GRIP2: variants seen among roughly 807,000 people sequenced by gnomAD.
The protein encoded by GRIP2 is glutamate receptor-interacting protein 2.
GRIP2 carries 58 observed loss-of-function variants against 108.3 expected under a neutral mutation model. The observed-to-expected ratio is 0.54, with a 90% CI of 0.43 to 0.67. The LOEUF (loss-of-function observed/expected upper bound fraction) is 0.67. Ranked by LOEUF, GRIP2 falls within the 30% of genes least tolerant of loss-of-function variation. The pLI, the probability that GRIP2 is intolerant of heterozygous loss-of-function variation, is 0.00. For missense variants in GRIP2, 1,278 were observed against 1,430.6 expected (o/e 0.89, Z 1.72); for synonymous variants, 586 against 598.2 (o/e 0.98, Z 0.30).
Position 14,525,395 on chromosome 3 carries a change from T to C in GRIP2, c.257+42A>G, listed in dbSNP as rs747397872. Reference sequence around the variant, plus strand: ...CTGGCCCTGGGCTCCCATCATTGCCTCTGCACCCCCCTCCTGCGGCCGTGC... The same window carrying C: ...CTGGCCCTGGGCTCCCATCATTGCCCCTGCACCCCCCTCCTGCGGCCGTGC... On this transcript the variant is annotated intron_variant, in intron 3 of 23. Transcript: ENST00000621039. 8.1e-6 allele frequency: 13 copies of C among 1,603,144 alleles called. No individual in the cohort carries two copies. The Admixed American group carries it at 2.0e-4, about 25-fold the overall frequency.
rs534029443 is a variant in GRIP2 at position 14,535,750 on chromosome 3, C to A, written c.40+4519G>T. On this transcript the variant is annotated intron_variant, in intron 1 of 23. Transcript: ENST00000621039. ...GGCAGAGCCAGGATTGAAGCCCAGG[C>A]CTTCTGGCTCCCTAAGGGGTCTGGC... Among the ~76,000 whole-genome samples, 57 of 152,356 alleles carry A rather than the reference C, an allele frequency of 3.7e-4. No individual in the cohort carries two copies. In the South Asian group the frequency reaches 0.012, roughly 31 times the overall value.
Position 14,533,582 on chromosome 3 carries a change from G to T in GRIP2, c.40+6687C>A, listed in dbSNP as rs533172007. On this transcript the variant is annotated intron_variant, in intron 1 of 23. Transcript: ENST00000621039. ...GGAACAACGGCACCCCCAAGAGCTG[G>T]ATGCTGAAGCACAGGGTGCCCGATG... Among the ~76,000 whole-genome samples the T allele has an allele frequency of 4.6e-5, 7 of 152,290 alleles. No individual in the cohort carries two copies. In the East Asian group the frequency reaches 1.4e-3, roughly 29 times the overall value.
Position 14,507,395 on chromosome 3 carries a change from G to T in GRIP2, c.2218+166C>A, listed in dbSNP as rs1693960439. On this transcript the variant is annotated intron_variant, in intron 18 of 23. Transcript: ENST00000621039. This position sits in a 1 kb window ranked among gnomAD's most constrained non-coding sequence, Gnocchi z 4.6. ...TGCCCCGTGCCCACTGTGTGGCCCTGGGCTCATCACTTCCCTCTCTGAGTC... is the reference window on the plus strand; with the variant it reads ...TGCCCCGTGCCCACTGTGTGGCCCTTGGCTCATCACTTCCCTCTCTGAGTC... Among the ~76,000 whole-genome samples, 1 of 152,252 alleles carries T rather than the reference G, an allele frequency of 6.6e-6. No individual in the cohort carries two copies. The highest frequency in any genetic ancestry group is 1.5e-5 in the Non-Finnish European group (1 of 68,042).
At chr3:14,601,440 C>G in the GRIP2 span, among the ~76,000 whole-genome samples, 2 of 152,146 alleles carry the variant, frequency 1.3e-5, no homozygotes, top group Non-Finnish European at 2.9e-5. Flanking sequence ...TATTGGCAGC[C>G]CTTCTCCCCT....
chr3:14,517,492 C>T (rs1559341224), intron 10 of GRIP2, among the ~76,000 whole-genome samples: 1 of 108,536 alleles, frequency 9.2e-6, no homozygotes, highest in Non-Finnish European at 1.7e-5. Flanking sequence ...TAATCTCTCT[C>T]TCTTTTTTTT....
the GRIP2 span, chr3:14,573,137 G>C: frequency 7.0e-7 from 1 of 1,432,572 alleles, no homozygotes; most frequent in East Asian, 2.3e-5. Flanking sequence ...GCAGCCCAAA[G>C]GTGCAGAGGA....
In GRIP2 at chr3:14,511,235, G is replaced by C; in HGVS notation, c.1863C>G (p.Asp621Glu). 1 of 1,613,992 alleles carries C rather than the reference G, an allele frequency of 6.2e-7. No homozygotes were observed. The highest frequency in any genetic ancestry group is 8.5e-7 in the Non-Finnish European group (1 of 1,179,886). ...NIRLDNCPME[D>E]AVQILRQCED... ...CGCACTGCCGCAGGATTTGCACGGC[G>C]TCCTCCATGGGGCAGTTGTCCAGGC... Residue 621 changes from aspartate to glutamate, a missense_variant, in exon 16 of 24, where the codon GAC (aspartate) becomes GAG (glutamate). Transcript: ENST00000621039. The surrounding 1 kb of genome is among the most constrained non-coding windows in gnomAD (Gnocchi z 4.1).
chr3:14,602,455 G>T, the GRIP2 span, among the ~76,000 whole-genome samples: 2 of 152,028 alleles, frequency 1.3e-5, no homozygotes, highest in Non-Finnish European at 2.9e-5. This position sits in a 1 kb window ranked among gnomAD's most constrained non-coding sequence, Gnocchi z 4.7. Context: ...GCGACGGACC[G>T]CAGCCTCGGG....
chr3:14,576,434 C>T, the GRIP2 span, among the ~76,000 whole-genome samples: 516 of 152,300 alleles, frequency 3.4e-3, 1 homozygote, highest in African/African-American at 0.011. Context: ...TACACGGCCT[C>T]GCATTTGGCT....
At chr3:14,531,856 G>C (rs1281990462) in intron 1 of GRIP2, among the ~76,000 whole-genome samples, 2 of 152,198 alleles carry the variant, frequency 1.3e-5, no homozygotes, top group Non-Finnish European at 2.9e-5. Flanking sequence ...ACACGGGCAA[G>C]AACAGGTGCC....
chr3:14,598,353 C>T, the GRIP2 span, among the ~76,000 whole-genome samples: 1 of 151,724 alleles, frequency 6.6e-6, no homozygotes, highest in Non-Finnish European at 1.5e-5. Flanking sequence ...GGGGGACACA[C>T]ACACACACAC....
chr3:14,526,574 T>C (rs1694559745), intron 1 of GRIP2, among the ~76,000 whole-genome samples: 1 of 152,204 alleles, frequency 6.6e-6, no homozygotes, highest in Non-Finnish European at 1.5e-5. Context: ...GAGAAAGCGC[T>C]CCCTTGTGTT....
At chr3:14,556,027 G>A (rs1168129521) in exon 1 of GRIP2, 3 of 398,658 alleles carry the variant, frequency 7.5e-6, no homozygotes, top group Non-Finnish European at 8.8e-6. Flanking sequence ...CGGCGCTCCT[G>A]TGCCCGCTCC....
In GRIP2 at chr3:14,495,227, G is replaced by T. The variant is rs116285841; in HGVS notation, c.2824-238C>A. On this transcript the variant is annotated intron_variant, in intron 22 of 23. Coordinates refer to ENST00000621039, the MANE Select transcript of GRIP2 (RefSeq NM_001080423.4). The stretch of plus-strand genomic sequence containing the variant: ...CTCAAGTACGACGGAGCCCTTAGGA[G>T]TGACTTCCTTTCAGCCCTTTCTCTG... Among the ~76,000 whole-genome samples, 10 of 152,120 alleles carry T rather than the reference G, an allele frequency of 6.6e-5. No homozygotes were observed. In the South Asian group the frequency reaches 1.0e-3, roughly 16 times the overall value.
At chr3:14,514,834 G>A (rs1694206177) in intron 11 of GRIP2, among the ~76,000 whole-genome samples, 1 of 152,182 alleles carries the variant, frequency 6.6e-6, no homozygotes, top group Admixed American at 6.5e-5. Context: ...TTCGGTAAGA[G>A]GTTTATTGAG....
intron 9 of GRIP2, 81 bp downstream of exon 9, chr3:14,520,029 C>T: frequency 7.4e-7 from 1 of 1,352,992 alleles, no homozygotes; most frequent in Non-Finnish European, 1.0e-6. Context: ...TCCTCCCAGC[C>T]TGCCCAGGGC....
intron 1 of GRIP2, among the ~76,000 whole-genome samples, chr3:14,534,281 C>A (rs1422315307): frequency 2.6e-5 from 4 of 152,152 alleles, no homozygotes; most frequent in Non-Finnish European, 5.9e-5. Flanking sequence ...GGTGTCTCTC[C>A]CATGGCTGAC....
intron 4 of GRIP2, 117 bp from the exon 5 acceptor site, chr3:14,523,815 TA>T: frequency 1.4e-6 from 1 of 729,022 alleles, no homozygotes. Context: ...ACAGGGAGGG[TA>T]AACCCTTGCC....
chr3:14,563,982 T>G, the GRIP2 span, among the ~76,000 whole-genome samples: 43 of 152,284 alleles, frequency 2.8e-4, no homozygotes, highest in Middle Eastern at 3.4e-3. Flanking sequence ...ACCCATCTTC[T>G]GCCCTCCACC....
Sources: gnomAD v4.1 joint callset for allele counts (sites outside exome capture counted in the v4.1 genomes callset) on GRCh38, gnomAD v4.1.1 for gene constraint, Gnocchi (gnomAD v3.1) non-coding constraint, MANE v1.5 for transcripts, NCBI Gene and HGNC (gene_info 2026-07-23, HGNC 2026-07-21) for gene names.